Variants in ZCWPW2 observed in about 807,000 individuals in gnomAD.
ZCWPW2 encodes zinc finger CW-type and PWWP domain containing 2.
Under a neutral mutation model 46.6 loss-of-function variants are expected in ZCWPW2, and 45 were observed. The observed-to-expected ratio is 0.96, with a 90% CI of 0.76 to 1.24. The LOEUF (loss-of-function observed/expected upper bound fraction) is 1.24. Ranked by LOEUF, ZCWPW2 falls within the 50% of genes most tolerant of loss-of-function variation. The pLI, the probability that ZCWPW2 is intolerant of heterozygous loss-of-function variation, is 0.00. For missense variants in ZCWPW2, 429 were observed against 403.9 expected (o/e 1.06, Z -0.53); for synonymous variants, 152 against 137.1 (o/e 1.11, Z -0.76).
rs938649048 is a variant in ZCWPW2, at chr3:28,349,015, G to A, written c.-322G>A. 5.1e-6 allele frequency: 5 copies of A among 985,912 alleles called. No homozygotes were observed. In the African/African-American group the frequency reaches 5.2e-5, roughly 10 times the overall value. 61.1% of individuals were successfully genotyped at this position (985,912 alleles called of 1,614,324 possible). Reference sequence around the variant, plus strand: ...GGCTGCCGCTGTCCGCGGGCTCGGCGCCAGGGACGCGCGAGGAAACCGGAA... The same window carrying A: ...GGCTGCCGCTGTCCGCGGGCTCGGCACCAGGGACGCGCGAGGAAACCGGAA... On this transcript the variant is annotated 5_prime_UTR_variant, in exon 1 of 10. Transcript: ENST00000383768.
chr3:28,439,071 GTATACACATATA>G (rs755951623), intron 4 of ZCWPW2, among the ~76,000 whole-genome samples: 5 of 142,036 alleles, frequency 3.5e-5, no homozygotes, highest in East Asian at 4.2e-4. Context: ...ATATATATGT[GTATACACATATA>G]TATACACATA....
intron 1 of ZCWPW2, among the ~76,000 whole-genome samples, chr3:28,374,507 G>GA (rs1705441193): frequency 1.3e-5 from 2 of 152,194 alleles, no homozygotes; most frequent in South Asian, 2.1e-4. Flanking sequence ...CTATTTCTAT[G>GA]AAAAATCTCA....
chr3:28,445,385 G>T (rs1204168645), intron 4 of ZCWPW2, among the ~76,000 whole-genome samples: 1 of 151,948 alleles, frequency 6.6e-6, no homozygotes, highest in African/African-American at 2.4e-5. Context: ...AACATATAAA[G>T]ATGAAATTTC....
chr3:28,425,173 C>A (rs1416710276), intron 3 of ZCWPW2, among the ~76,000 whole-genome samples: 1 of 152,148 alleles, frequency 6.6e-6, no homozygotes, highest in Non-Finnish European at 1.5e-5. Flanking sequence ...TATCTCTAAT[C>A]TATGATTAGG....
chr3:28,455,729 T>C (rs1000175764), intron 4 of ZCWPW2, among the ~76,000 whole-genome samples: 4 of 152,206 alleles, frequency 2.6e-5, no homozygotes, highest in Non-Finnish European at 5.9e-5. Context: ...CAGTAGCTTC[T>C]ATTAAATAGG....
Position 28,508,042 on chromosome 3 carries a change from T to A in ZCWPW2, c.658-6022T>A, listed in dbSNP as rs774098740. On this transcript the variant is annotated intron_variant, in intron 6 of 9. Transcript: ENST00000383768. ...TCTACAGGCTGTACAAGAAGAATGG[T>A]ACTGGTATCTGCTCAGCTTCTGGTG... Among the ~76,000 whole-genome samples the A allele has an allele frequency of 3.9e-5, 6 of 152,126 alleles. 1 individual carries two copies. Among genetic ancestry groups the A allele is most frequent in the Non-Finnish European group, 8.8e-5 (6 of 68,030 alleles).
At chr3:28,497,480 A>G (rs566707192) in intron 6 of ZCWPW2, among the ~76,000 whole-genome samples, 3 of 151,720 alleles carry the variant, frequency 2.0e-5, no homozygotes, top group Non-Finnish European at 3.0e-5. Context: ...GTGCTTCTAT[A>G]AGAAATGACT....
chr3:28,388,917 T>G (rs1368042797), intron 1 of ZCWPW2, among the ~76,000 whole-genome samples: 1 of 152,178 alleles, frequency 6.6e-6, no homozygotes, highest in Non-Finnish European at 1.5e-5. Flanking sequence ...GGATTTCTCT[T>G]GTATTGCAGA....
At chr3:28,349,325 G>C in intron 1 of ZCWPW2, 122 bp downstream of exon 1, 1 of 510,074 alleles carries the variant, frequency 2.0e-6, no homozygotes, top group Non-Finnish European at 2.5e-6. Flanking sequence ...GTGCGTGCTG[G>C]CTCGGCTCAG....
chr3:28,471,155 C>T (rs960468921), intron 4 of ZCWPW2, among the ~76,000 whole-genome samples: 1 of 152,152 alleles, frequency 6.6e-6, no homozygotes, highest in African/African-American at 2.4e-5. Context: ...GATGGGTTCA[C>T]TGCTGAATTC....
chr3:28,463,143 T>G (rs1698703814), intron 4 of ZCWPW2, among the ~76,000 whole-genome samples: 2 of 152,214 alleles, frequency 1.3e-5, no homozygotes, highest in South Asian at 2.1e-4. Flanking sequence ...ATTCATAAGT[T>G]TACATAAATT....
intron 2 of ZCWPW2, among the ~76,000 whole-genome samples, chr3:28,407,786 G>A (rs927981774): frequency 6.6e-6 from 1 of 152,160 alleles, no homozygotes; most frequent in Non-Finnish European, 1.5e-5. Flanking sequence ...GTTGAATGAA[G>A]CAAATATTGT....
intron 3 of ZCWPW2, among the ~76,000 whole-genome samples, chr3:28,422,166 G>A (rs1296025491): frequency 1.3e-5 from 2 of 152,040 alleles, no homozygotes; most frequent in African/African-American, 4.8e-5. Context: ...CCACACTGGT[G>A]TGGTACATTT....
In ZCWPW2 at chr3:28,472,551, G is replaced by A. The variant is rs565627223; in HGVS notation, c.493-6263G>A. ...AAGAAAAACTAGAACCCTATCTCTC[G>A]CCATAAATGAAAATCAAATAAAAAT... On this transcript the variant is annotated intron_variant, in intron 4 of 9. Coordinates refer to ENST00000383768, the MANE Select transcript of ZCWPW2 (RefSeq NM_001040432.4). 9.7e-4 allele frequency among the ~76,000 whole-genome samples: 147 copies of A among 152,098 alleles called. 1 individual carries two copies. The South Asian group carries it at 0.01, about 11-fold the overall frequency.
chr3:28,368,751 T>A (rs1261214553), intron 1 of ZCWPW2, among the ~76,000 whole-genome samples: 1 of 152,212 alleles, frequency 6.6e-6, no homozygotes, highest in Non-Finnish European at 1.5e-5. Context: ...TCCCGCAGAG[T>A]GTTTTCCAAC....
intron 1 of ZCWPW2, among the ~76,000 whole-genome samples, chr3:28,360,655 T>A (rs531324312): frequency 6.6e-5 from 10 of 151,324 alleles, no homozygotes; most frequent in African/African-American, 1.7e-4. Context: ...ACTGATAGAA[T>A]TAAACAGGAA....
intron 9 of ZCWPW2, among the ~76,000 whole-genome samples, chr3:28,522,944 T>C (rs1700760934): frequency 6.6e-6 from 1 of 152,182 alleles, no homozygotes; most frequent in Non-Finnish European, 1.5e-5. Flanking sequence ...AGCGGTTTCT[T>C]TTCAAAAATA....
At chr3:28,406,973 T>C (rs1696189594) in intron 2 of ZCWPW2, among the ~76,000 whole-genome samples, 1 of 152,030 alleles carries the variant, frequency 6.6e-6, no homozygotes, top group Non-Finnish European at 1.5e-5. Context: ...AATATAGGTG[T>C]GCCCTATAAC....
At chr3:28,523,882 C>A (rs1044989853) in intron 9 of ZCWPW2, among the ~76,000 whole-genome samples, 2 of 151,990 alleles carry the variant, frequency 1.3e-5, no homozygotes, top group African/African-American at 4.8e-5. Context: ...ATAAATCCAC[C>A]TGAATAATTC....
Sources: allele counts gnomAD v4.1 joint callset (sites outside exome capture counted in the v4.1 genomes callset), GRCh38; gene constraint gnomAD v4.1.1; transcripts MANE v1.5; gene names NCBI Gene and HGNC (gene_info 2026-07-23, HGNC 2026-07-21).